Variants in MDGA2 observed in about 807,000 individuals in gnomAD.
The protein encoded by MDGA2 is MAM domain-containing glycosylphosphatidylinositol anchor protein 2.
Under a neutral mutation model 117.8 loss-of-function variants are expected in MDGA2, and 40 were observed. The observed-to-expected ratio is 0.34, with a 90% CI of 0.26 to 0.44. The LOEUF is 0.44. Ranked by LOEUF, MDGA2 falls within the 20% of genes least tolerant of loss-of-function variation. MDGA2 has a pLI of 1.00. For missense variants in MDGA2, 1,123 were observed against 1,250.6 expected (o/e 0.90, Z 1.54); for synonymous variants, 452 against 439.0 (o/e 1.03, Z -0.37).
At chr14:47,288,156 C>A (rs559356421) in intron 2 of MDGA2, among the ~76,000 whole-genome samples, 1 of 152,284 alleles carries the variant, frequency 6.6e-6, no homozygotes, top group East Asian at 1.9e-4. Flanking sequence ...CAGGCACTTG[C>A]CCAATTTTGG....
At chr14:47,537,574 T>TA (rs58060138) in intron 1 of MDGA2, among the ~76,000 whole-genome samples, 23 of 36,626 alleles carry the variant, frequency 6.3e-4, no homozygotes, top group Non-Finnish European at 9.0e-4. Context: ...TTCTCTCTGT[T>TA]AAAAAAAAAA....
chr14:47,660,683 T>C (rs1431859364), intron 1 of MDGA2, among the ~76,000 whole-genome samples: 1 of 152,214 alleles, frequency 6.6e-6, no homozygotes, highest in Non-Finnish European at 1.5e-5. Context: ...CATTTAACTA[T>C]CAATCTTTCC....
chr14:46,849,610 C>A (rs1880979647), intron 15 of MDGA2, among the ~76,000 whole-genome samples: 1 of 151,758 alleles, frequency 6.6e-6, no homozygotes, highest in Non-Finnish European at 1.5e-5. Flanking sequence ...AAAAATAAAT[C>A]TTTGCTGACG....
intron 1 of MDGA2, among the ~76,000 whole-genome samples, chr14:47,371,469 CATT>C (rs1328689445): frequency 6.6e-6 from 1 of 151,626 alleles, no homozygotes; most frequent in Non-Finnish European, 1.5e-5. Flanking sequence ...AAAATATTAA[CATT>C]ATAATAATTA....
chr14:47,408,892 A>G (rs1892314689), intron 1 of MDGA2, among the ~76,000 whole-genome samples: 3 of 152,146 alleles, frequency 2.0e-5, no homozygotes, highest in South Asian at 2.1e-4. Context: ...GAGAAAAGAC[A>G]TGATGGAGGT....
chr14:47,106,987 C>T (rs2139034409), intron 5 of MDGA2, among the ~76,000 whole-genome samples: 1 of 119,122 alleles, frequency 8.4e-6, no homozygotes, highest in East Asian at 2.8e-4. Flanking sequence ...CCTGACTATT[C>T]CTGGACTACA....
chr14:47,301,448 T>A lies in MDGA2; in HGVS notation c.383A>T (p.Glu128Val). 2 of 1,551,838 alleles carry A rather than the reference T, an allele frequency of 1.3e-6. No individual in the cohort carries two copies. The highest frequency in any genetic ancestry group is 1.7e-6 in the Non-Finnish European group (2 of 1,147,022). The change falls in exon 2 of 17, where the codon GAG becomes GTG. Residue 128 changes from glutamate to valine, a missense_variant. Around this residue, in one of 2 missense-constraint regions of MDGA2, gnomAD observed 233 missense variants for 200.3 expected, o/e 1.16. Transcript: ENST00000399232. ...VYTIREGETL[E>V]LTCLVTGHPR... ...ATGTCCTGTGACTAGACAAGTCAAC[T>A]CAAGGGTTTCTCCTTCCCGGATAGT...
At chr14:47,528,881 C>G (rs568069112) in intron 1 of MDGA2, among the ~76,000 whole-genome samples, 2 of 152,144 alleles carry the variant, frequency 1.3e-5, no homozygotes, top group African/African-American at 4.8e-5. Context: ...AGAAAATAAT[C>G]TAAATATCTA....
chr14:47,544,419 G>A (rs1343174792), intron 1 of MDGA2, among the ~76,000 whole-genome samples: 2 of 152,116 alleles, frequency 1.3e-5, no homozygotes, highest in Non-Finnish European at 2.9e-5. Flanking sequence ...CTCAATGTGA[G>A]GTAATTGTTG....
chr14:47,008,364 C>T (rs1261242950), intron 8 of MDGA2, among the ~76,000 whole-genome samples: 6 of 151,812 alleles, frequency 4.0e-5, no homozygotes, highest in Non-Finnish European at 5.9e-5. Flanking sequence ...TATTGTTCTC[C>T]TAATTGGCTC....
At chr14:47,420,557 T>C (rs1304129241) in intron 1 of MDGA2, among the ~76,000 whole-genome samples, 1 of 152,140 alleles carries the variant, frequency 6.6e-6, no homozygotes, top group Non-Finnish European at 1.5e-5. Context: ...TTCTTGGTGC[T>C]ATAAAACACA....
intron 2 of MDGA2, among the ~76,000 whole-genome samples, chr14:47,242,591 G>A (rs1365206320): frequency 1.3e-5 from 2 of 151,866 alleles, no homozygotes; most frequent in Non-Finnish European, 2.9e-5. Context: ...ACCCGGGCCA[G>A]TGGCTGCGGA....
At chr14:47,451,349 A>G (rs960506247) in intron 1 of MDGA2, among the ~76,000 whole-genome samples, 5 of 141,292 alleles carry the variant, frequency 3.5e-5, no homozygotes, top group Non-Finnish European at 7.7e-5. Flanking sequence ...TTGAATGGAA[A>G]AGAATGTTTT....
In MDGA2 at chr14:47,645,225, T is replaced by G. The variant is rs558996533; in HGVS notation, c.280+29292A>C. On this transcript the variant is annotated intron_variant, in intron 1 of 16. Transcript: ENST00000399232. ...CTCTAAAAATAATGCAGCTACCATC[T>G]TTACACAATTCTTATAATTCAATCC... Among the ~76,000 whole-genome samples the G allele has an allele frequency of 2.0e-5, 3 of 152,204 alleles. No individual in the cohort carries two copies. The South Asian group carries it at 6.2e-4, about 32-fold the overall frequency.
intron 9 of MDGA2, among the ~76,000 whole-genome samples, chr14:46,930,103 C>A (rs1030707577): frequency 8.6e-6 from 1 of 116,750 alleles, no homozygotes; most frequent in Non-Finnish European, 1.9e-5. Flanking sequence ...GAGTATGCAA[C>A]ACCCAAAGAA....
chr14:47,666,866 A>T (rs1207557332), intron 1 of MDGA2, among the ~76,000 whole-genome samples: 1 of 152,152 alleles, frequency 6.6e-6, no homozygotes, highest in East Asian at 1.9e-4. Flanking sequence ...CCACAAAGCC[A>T]CTGGGAGGAA....
chr14:47,174,295 G>C (rs980432139), intron 3 of MDGA2, among the ~76,000 whole-genome samples: 24 of 152,172 alleles, frequency 1.6e-4, no homozygotes, highest in African/African-American at 5.8e-4. Flanking sequence ...GCACCAAGCG[G>C]ACCTAATAGA....
At chr14:47,607,260 T>A (rs184223294) in intron 1 of MDGA2, among the ~76,000 whole-genome samples, 1 of 152,210 alleles carries the variant, frequency 6.6e-6, no homozygotes, top group African/African-American at 2.4e-5. Context: ...GAGATCAGCA[T>A]GGGGAAAAGA....
At chr14:47,365,219 C>T (rs2138378941) in intron 1 of MDGA2, among the ~76,000 whole-genome samples, 1 of 152,284 alleles carries the variant, frequency 6.6e-6, no homozygotes, top group Non-Finnish European at 1.5e-5. Context: ...TTTTTCTTCC[C>T]CTTCTGGATT....
Sources: allele counts gnomAD v4.1 joint callset (sites outside exome capture counted in the v4.1 genomes callset), GRCh38; gene constraint gnomAD v4.1.1; regional missense constraint gnomAD v4.1.1; transcripts MANE v1.5; gene names NCBI Gene and HGNC (gene_info 2026-07-23, HGNC 2026-07-21).